SEPTIN1: variants seen among roughly 807,000 people sequenced by gnomAD.
SEPTIN1 encodes septin-1.
SEPTIN1 carries 52 observed loss-of-function variants against 50.7 expected under a neutral mutation model. The observed-to-expected ratio is 1.03, with a 90% CI of 0.82 to 1.29. The LOEUF (loss-of-function observed/expected upper bound fraction) is 1.29, where lower values mean the gene tolerates loss of function less well. Ranked by LOEUF, SEPTIN1 falls within the 50% of genes most tolerant of loss-of-function variation. The pLI, the probability that SEPTIN1 is intolerant of heterozygous loss-of-function variation, is 0.00. For synonymous variants in SEPTIN1, 204 were observed against 189.1 expected (o/e 1.08, Z -0.65); for missense variants, 455 against 490.7 (o/e 0.93, Z 0.69).
In SEPTIN1 at chr16:30,378,631, C is replaced by G; in HGVS notation, c.1011G>C (p.Leu337=). The G allele has an allele frequency of 6.2e-7, 1 of 1,611,176 alleles. No homozygotes were observed. Among genetic ancestry groups the G allele is most frequent in the South Asian group, 1.1e-5 (1 of 91,062 alleles). Residue 337 remains leucine, a synonymous_variant, in exon 10 of 11, where the codon CTG becomes CTC. Coordinates refer to ENST00000321367, the MANE Select transcript of SEPTIN1 (RefSeq NM_001365977.2). ...TCACCTCTTCGTCTTTCTCGCGGAT[C>G]AGCTTCTCGGTGTCCGCCAGAGGCA... ...PMLPLADTEK[L]IREKDEELRR... is the part of the protein sequence containing the mutation.
At position 30,378,267 on chromosome 16, in the gene SEPTIN1, C is replaced by G. The variant is rs1243170955; in HGVS notation, c.*167G>C. Reference sequence around the variant, plus strand: ...TGGGCGGTGTCTGGGTGGGCGGGACCAGCGCCGGGGCGGGGCTACGGACTC... The same window carrying G: ...TGGGCGGTGTCTGGGTGGGCGGGACGAGCGCCGGGGCGGGGCTACGGACTC... On this transcript the variant is annotated 3_prime_UTR_variant, in exon 11 of 11. Transcript: ENST00000321367. The G allele has an allele frequency of 1.4e-6, 1 of 697,750 alleles. No homozygotes were observed. Among genetic ancestry groups the G allele is most frequent in the Non-Finnish European group, 2.4e-6 (1 of 422,070 alleles). The allele number at this position is 697,750 out of a possible 1,614,324, so 43.2% of individuals were successfully genotyped here. A position where few individuals can be genotyped will look rare whatever the true frequency, so the allele number is the denominator to read the frequency against.
Position 30,379,148 on chromosome 16 carries a change from G to T in SEPTIN1, c.811C>A (p.Arg271=), listed in dbSNP as rs1205024958. ...AGGTGTGTCTGCACCAGCATCCGTC[G>T]CAGGTTCAGGAAATCGCAGTGATGT... ...NPHHCDFLNL[R]RMLVQTHLQD... The change falls in exon 9 of 11, where the codon CGA becomes AGA. Residue 271 remains arginine, a synonymous_variant. Coordinates refer to ENST00000321367, the MANE Select transcript of SEPTIN1 (RefSeq NM_001365977.2). The T allele has an allele frequency of 1.2e-6, 2 of 1,614,118 alleles. No individual in the cohort carries two copies. Among genetic ancestry groups the T allele is most frequent in the Non-Finnish European group, 8.5e-7 (1 of 1,180,012 alleles).
chr16:30,380,849 G>T, intron 6 of SEPTIN1: 1 of 487,056 alleles, frequency 2.1e-6, no homozygotes, highest in Non-Finnish European at 3.7e-6. Flanking sequence ...ACACGGGGTG[G>T]GGGCCAGAGG....
rs773826832 is a variant in SEPTIN1, at chr16:30,381,326, C to A, written c.455+13G>T. On this transcript the variant is annotated intron_variant, in intron 5 of 10. Coordinates refer to ENST00000321367, the MANE Select transcript of SEPTIN1 (RefSeq NM_001365977.2). The surrounding 1 kb of genome is among the most constrained non-coding windows in gnomAD (Gnocchi z 4.3). ...CCCTAAATGCGCCAGCCCCCAGGAT[C>A]CCCCCACCAGACCCCCGGCCGAAGG... 1.1e-5 allele frequency: 17 copies of A among 1,593,762 alleles called. No individual in the cohort carries two copies. The East Asian group carries it at 2.9e-4, about 27-fold the overall frequency.
In SEPTIN1 at chr16:30,382,534, G is replaced by A. The variant is rs201701101; in HGVS notation, c.9C>T (p.Gly3=). Residue 3 remains glycine (G), a synonymous_variant, in exon 1 of 11, where the codon GGC becomes GGT. Transcript: ENST00000321367. This position sits in a 1 kb window ranked among gnomAD's most constrained non-coding sequence, Gnocchi z 4.8. MA[G]GVMDKEYVGF... ...GGGTGTAAGGACTCACCATGACTCC[G>A]CCAGCCATCACTGCACCTGCCGTCT... The A allele has an allele frequency of 3.1e-4, 493 of 1,584,444 alleles. 4 individuals carry two copies. The East Asian group carries it at 8.6e-3, about 28-fold the overall frequency.
chr16:30,378,240 AGTGGGCGGTGTCTGG>A lies in SEPTIN1; in HGVS notation c.*179_*193del. The A allele has an allele frequency of 1.6e-6, 1 of 641,216 alleles. No individual in the cohort carries two copies. The highest frequency in any genetic ancestry group is 2.7e-6 in the Non-Finnish European group (1 of 364,346). 39.7% of individuals were successfully genotyped at this position (641,216 alleles called of 1,614,324 possible). ...AGATTGTGCAGGCCCCGGGCCGGGA[AGTGGGCGGTGTCTGG>A]GTGGGCGGGACCAGCGCCGGGGCGG... On this transcript the variant is annotated 3_prime_UTR_variant, in exon 11 of 11. Transcript: ENST00000321367.
In SEPTIN1 at chr16:30,381,421, C is replaced by G. The variant is rs769436506; in HGVS notation, c.373G>C (p.Asp125His). The G allele has an allele frequency of 1.1e-5, 18 of 1,613,926 alleles. No homozygotes were observed. In the South Asian group the frequency reaches 1.2e-4, roughly 11 times the overall value. Reference protein sequence around the residue: ...IEEQFEQYLRDESGLNRKNIQ... With the variant: ...IEEQFEQYLRHESGLNRKNIQ... ...TTCTTCCGGTTCAGGCCACTCTCATCCCTAAGGTACTGCTCAAATTGCTCC... is the reference window on the plus strand; with the variant it reads ...TTCTTCCGGTTCAGGCCACTCTCATGCCTAAGGTACTGCTCAAATTGCTCC... Residue 125 changes from aspartate (D) to histidine (H), a missense_variant, in exon 5 of 11, where the codon GAT becomes CAT. Transcript: ENST00000321367. This position sits in a 1 kb window ranked among gnomAD's most constrained non-coding sequence, Gnocchi z 4.3.
Position 30,378,500 on chromosome 16 carries a change from C to T in SEPTIN1, c.1053G>A (p.Met351Ile), listed in dbSNP as rs760993615. The T allele has an allele frequency of 2.5e-6, 4 of 1,579,234 alleles. No individual in the cohort carries two copies. The highest frequency in any genetic ancestry group is 3.4e-6 in the Non-Finnish European group (4 of 1,162,724). The change falls in exon 11 of 11, where the codon ATG becomes ATA. Residue 351 changes from methionine to isoleucine, a missense_variant. Physicochemically the swap from Met to Ile is conservative, Grantham distance 10. Coordinates refer to ENST00000321367, the MANE Select transcript of SEPTIN1 (RefSeq NM_001365977.2). ...KDEELRRMQE[M>I]LEKMQAQMQQ... ...GCATTTGGGCCTGCATCTTCTCCAG[C>T]ATCTCTTGCATGCGGCGCAGCTGTG...
At chr16:30,379,267 C>A (rs1345129178) in intron 8 of SEPTIN1, 84 bp from the exon 9 acceptor site, 2 of 1,548,854 alleles carry the variant, frequency 1.3e-6, no homozygotes, top group South Asian at 1.2e-5. Context: ...ACAGGAAAGT[C>A]CTGCTGCCAC....
chr16:30,381,545 G>C lies in SEPTIN1; in HGVS notation c.321-72C>G. 6.4e-7 allele frequency: 1 copy of C among 1,572,544 alleles called. No homozygotes were observed. Among genetic ancestry groups the C allele is most frequent in the Non-Finnish European group, 8.7e-7 (1 of 1,146,424 alleles). On this transcript the variant is annotated intron_variant, in intron 4 of 10. Coordinates refer to ENST00000321367, the MANE Select transcript of SEPTIN1 (RefSeq NM_001365977.2). This position sits in a 1 kb window ranked among gnomAD's most constrained non-coding sequence, Gnocchi z 4.3. The stretch of plus-strand genomic sequence containing the variant: ...GCAGGGGGCAAGGCTAGCCAGGACT[G>C]TGGGAGTAGAATGTCATTTCTTTGG...
chr16:30,378,841 G>A (rs2049791786), intron 9 of SEPTIN1, 141 bp from the exon 10 acceptor site: 1 of 380,768 alleles, frequency 2.6e-6, no homozygotes, highest in Non-Finnish European at 3.7e-6. Flanking sequence ...GGCAAAGCGG[G>A]TGGGGAGAGA....
chr16:30,379,640 C>CTTTTTTTT (rs71149011), intron 7 of SEPTIN1, 106 bp from the exon 8 acceptor site: 7,357 of 237,854 alleles, frequency 0.031, 818 homozygotes, highest in African/African-American at 0.042. Context: ...GCCCCTTCCT[C>CTTTTTTTT]TTTTTTTTTT....
At chr16:30,380,691 G>A (rs772221814) in intron 6 of SEPTIN1, 64 of 175,126 alleles carry the variant, frequency 3.7e-4, no homozygotes, top group Non-Finnish European at 7.4e-4. Context: ...GATCACTTGC[G>A]CCTACAAGTT....
At position 30,379,031 on chromosome 16, in the gene SEPTIN1, G is replaced by C. The variant is rs1204619093; in HGVS notation, c.928C>G (p.Arg310Gly). The change falls in exon 9 of 11, where the codon CGA (arginine) becomes GGA (glycine). Residue 310 changes from arginine to glycine, a missense_variant. Transcript: ENST00000321367. ...CCCGGGTCTCACCTGCGGCTGGCTC[G>C]ATCGCGAGCCCCAGGCCGGGCCAGG... Reference protein sequence around the residue: ...QSLARPGARDRASRSKLSRQS... With the variant: ...QSLARPGARDGASRSKLSRQS... The C allele has an allele frequency of 1.2e-6, 2 of 1,612,666 alleles. No individual in the cohort carries two copies. Among genetic ancestry groups the C allele is most frequent in the African/African-American group, 2.7e-5 (2 of 74,860 alleles).
In SEPTIN1 at chr16:30,378,359, G is replaced by T; in HGVS notation, c.*75C>A. 1 of 1,367,782 alleles carries T rather than the reference G, an allele frequency of 7.3e-7. No homozygotes were observed. Among genetic ancestry groups the T allele is most frequent in the Non-Finnish European group, 9.8e-7 (1 of 1,021,254 alleles). 84.7% of individuals were successfully genotyped at this position (1,367,782 alleles called of 1,614,324 possible). A position where few individuals can be genotyped will look rare whatever the true frequency, so the allele number is the denominator to read the frequency against. On this transcript the variant is annotated 3_prime_UTR_variant, in exon 11 of 11. Coordinates refer to ENST00000321367, the MANE Select transcript of SEPTIN1 (RefSeq NM_001365977.2). ...CCGCGGAGGTCCCGGGGGGCGCTGG[G>T]CAGTGTGGGGCGCGGGGATTGGACA... is the stretch of plus-strand genomic sequence containing the variant.
rs370464944 is a variant in SEPTIN1, at chr16:30,382,114, G to A, written c.175C>T (p.Arg59Cys). 1.9e-5 allele frequency: 30 copies of A among 1,583,276 alleles called. No individual in the cohort carries two copies. Among genetic ancestry groups the A allele is most frequent in the East Asian group, 4.6e-5 (2 of 43,060 alleles). ...TTACCACTGGCCTCTGGCACCTGGC[G>A]ATCCTCATAGAGGTTGGTGAGGAAG... ...SLFLTNLYED[R>C]QVPEASARLT... Residue 59 changes from arginine (R) to cysteine (C), a missense_variant, in exon 3 of 11, where the codon CGC becomes TGC. Coordinates refer to ENST00000321367, the MANE Select transcript of SEPTIN1 (RefSeq NM_001365977.2). The surrounding 1 kb of genome is among the most constrained non-coding windows in gnomAD (Gnocchi z 4.8).
rs2049812113 is a variant in SEPTIN1, at chr16:30,379,591, T to G, written c.676-57A>C. 3.9e-6 allele frequency: 5 copies of G among 1,295,860 alleles called. No individual in the cohort carries two copies. The Admixed American group carries it at 5.2e-5, about 13-fold the overall frequency. 80.3% of individuals were successfully genotyped at this position (1,295,860 alleles called of 1,614,324 possible). ...GCTCACACGGCAGAAACTTTCTCTTTCCCAGCTTCAATCTCCACACCCGCC... is the reference window on the plus strand; with the variant it reads ...GCTCACACGGCAGAAACTTTCTCTTGCCCAGCTTCAATCTCCACACCCGCC... On this transcript the variant is annotated intron_variant, in intron 7 of 10. Transcript: ENST00000321367.
rs1473310595 is a variant in SEPTIN1, at chr16:30,381,460, C to T, written c.334G>A (p.Val112Met). The change falls in exon 5 of 11, where the codon GTG becomes ATG. Residue 112 changes from valine to methionine, a missense_variant. Physicochemically the swap from Val to Met is conservative, Grantham distance 21. Coordinates refer to ENST00000321367, the MANE Select transcript of SEPTIN1 (RefSeq NM_001365977.2). This position sits in a 1 kb window ranked among gnomAD's most constrained non-coding sequence, Gnocchi z 4.3. ...VDCSDCWLPV[V>M]KFIEEQFEQY... ...TCAAATTGCTCCTCGATGAATTTCA[C>T]CACCGGAAGCCAGCTGGGTGTGGGG... is the stretch of plus-strand genomic sequence containing the variant. 6.2e-7 allele frequency: 1 copy of T among 1,614,020 alleles called. No individual in the cohort carries two copies. Among genetic ancestry groups the T allele is most frequent in the East Asian group, 2.2e-5 (1 of 44,882 alleles).
At chr16:30,378,933 C>T in intron 9 of SEPTIN1, 85 bp downstream of exon 9, 11 of 1,377,716 alleles carry the variant, frequency 8.0e-6, no homozygotes, top group Non-Finnish European at 1.1e-5. Context: ...GGCGGAGTCA[C>T]GGGTGGTGGG....
Sources: gnomAD v4.1 joint callset for allele counts on GRCh38, gnomAD v4.1.1 for gene constraint, Gnocchi (gnomAD v3.1) non-coding constraint, MANE v1.5 for transcripts, NCBI Gene and HGNC (gene_info 2026-07-23, HGNC 2026-07-21) for gene names.